PCDHGA4: variants seen among roughly 807,000 people sequenced by gnomAD.
The protein encoded by PCDHGA4 is protocadherin gamma subfamily A, 4.
In PCDHGA4, 38 loss-of-function variants were observed where a neutral mutation model predicts 54.6. The ratio of observed to expected loss-of-function variants is 0.70; its 90% confidence interval spans 0.54 to 0.91. PCDHGA4 has a LOEUF of 0.91. Among genes scored for constraint, PCDHGA4 ranks in the 40% least tolerant of loss-of-function variants. The pLI is 0.00. For synonymous variants in PCDHGA4, 511 were observed against 512.9 expected, an observed-to-expected ratio of 1.00 and a Z score of 0.05; for missense variants, 1,298 against 1,220.9, an observed-to-expected ratio of 1.06 and a Z score of -0.94.
At chr5:141,414,677 AG>A in intron 1 of PCDHGA4, 1 of 1,613,794 alleles carries the variant, frequency 6.2e-7, no homozygotes, top group Non-Finnish European at 8.5e-7. Context: ...GACACCATCC[AG>A]GGGGTACCTC....
At chr5:141,467,185 TG>T (rs1295935271) in intron 1 of PCDHGA4, among the ~76,000 whole-genome samples, 1 of 152,004 alleles carries the variant, frequency 6.6e-6, no homozygotes, top group African/African-American at 2.4e-5. Context: ...CCCAAGTAGC[TG>T]GGATTACAGG....
At chr5:141,422,465 G>A in intron 1 of PCDHGA4, 1 of 1,613,508 alleles carries the variant, frequency 6.2e-7, no homozygotes, top group Non-Finnish European at 8.5e-7. Flanking sequence ...GTGCTGGACA[G>A]GGAGTTGGTC....
chr5:141,416,378 A>C (rs2096019434), intron 1 of PCDHGA4: 1 of 152,230 alleles, frequency 6.6e-6, no homozygotes, highest in South Asian at 2.1e-4. Flanking sequence ...GAAATTAAGA[A>C]TATTTGGGAT....
intron 1 of PCDHGA4, chr5:141,415,740 G>GTTTTTTTTTTTTTTTTTTTTTTTTT: frequency 1.8e-5 from 11 of 617,990 alleles, no homozygotes; most frequent in Non-Finnish European, 2.4e-5. Context: ...GTTTATTAAG[G>GTTTTTTTTTTTTTTTTTTTTTTTTT]TTTTTTTTTT....
chr5:141,383,179 G>A (rs1387934089), intron 1 of PCDHGA4: 2 of 1,614,006 alleles, frequency 1.2e-6, no homozygotes, highest in Admixed American at 1.7e-5. Context: ...AGACCGGGAA[G>A]AGATCTGCGC....
At chr5:141,438,487 G>T (rs1030201971) in intron 1 of PCDHGA4, among the ~76,000 whole-genome samples, 9 of 150,284 alleles carry the variant, frequency 6.0e-5, no homozygotes, top group African/African-American at 2.2e-4. Flanking sequence ...GTCTCTTGGA[G>T]AAAAAAGAAT....
rs746357528 is a variant in PCDHGA4, at chr5:141,375,442, C to G, written c.2514+17821C>G. 3.1e-6 allele frequency: 5 copies of G among 1,614,034 alleles called. No homozygotes were observed. In the South Asian group the frequency reaches 3.3e-5, roughly 11 times the overall value. On this transcript the variant is annotated intron_variant, in intron 1 of 3. Coordinates refer to ENST00000571252, the MANE Select transcript of PCDHGA4 (RefSeq NM_018917.4). ...CCAACGACAACCCGCCCACCTTCCC[C>G]CATTCATCCTACTCAGTCTATGTCC... is the stretch of plus-strand genomic sequence containing the variant.
chr5:141,400,150 C>T (rs1375670164), intron 1 of PCDHGA4: 3 of 1,613,952 alleles, frequency 1.9e-6, no homozygotes, highest in Non-Finnish European at 2.5e-6. Flanking sequence ...CACTGACCGC[C>T]CTGTACCCTC....
Position 141,489,089 on chromosome 5 carries a change from A to T in PCDHGA4, c.2515-5718A>T, listed in dbSNP as rs1214993065. The T allele has an allele frequency of 7.4e-5, 21 of 284,398 alleles. No homozygotes were observed. Among genetic ancestry groups the T allele is most frequent in the East Asian group, 1.1e-4 (2 of 17,560 alleles). The allele number at this position is 284,398 out of a possible 1,614,324, so 17.6% of individuals were successfully genotyped here. On this transcript the variant is annotated intron_variant, in intron 1 of 3. Coordinates refer to ENST00000571252, the MANE Select transcript of PCDHGA4 (RefSeq NM_018917.4). This position sits in a 1 kb window ranked among gnomAD's most constrained non-coding sequence, Gnocchi z 4.5. ...CCCTGCCCACCCCCGCCACTCGGTGACTAAGAACTGCTGCAAGCAGGCAAA... is the reference window on the plus strand; with the variant it reads ...CCCTGCCCACCCCCGCCACTCGGTGTCTAAGAACTGCTGCAAGCAGGCAAA...
At chr5:141,437,654 A>C (rs185455660) in intron 1 of PCDHGA4, among the ~76,000 whole-genome samples, 1 of 152,256 alleles carries the variant, frequency 6.6e-6, no homozygotes, top group African/African-American at 2.4e-5. Context: ...GCAAACACAT[A>C]GTTTCGAAGA....
chr5:141,398,009 C>G (rs1589315775), intron 1 of PCDHGA4: 1 of 1,400,564 alleles, frequency 7.1e-7, no homozygotes, highest in Non-Finnish European at 9.5e-7. Context: ...GAAAAAGAAT[C>G]GTTTCCTAAA....
intron 1 of PCDHGA4, among the ~76,000 whole-genome samples, chr5:141,469,134 G>T (rs2099192163): frequency 6.6e-6 from 1 of 151,944 alleles, no homozygotes; most frequent in Non-Finnish European, 1.5e-5. Context: ...AAATTAGCCA[G>T]AAATGGTGGC....
At chr5:141,507,932 G>C (rs2099865030) in intron 3 of PCDHGA4, 1 of 152,338 alleles carries the variant, frequency 6.6e-6, no homozygotes, top group Admixed American at 6.5e-5. Context: ...TGCTGAGAGG[G>C]GTTAAGTAAG....
chr5:141,417,556 A>G, intron 1 of PCDHGA4: 1 of 333,096 alleles, frequency 3.0e-6, no homozygotes, highest in Non-Finnish European at 5.4e-6. Flanking sequence ...TGAAAGAGGT[A>G]GAGAAAAGTC....
In PCDHGA4 at chr5:141,371,090, C is replaced by G. The variant is rs764906419; in HGVS notation, c.2514+13469C>G. The G allele has an allele frequency of 5.0e-6, 8 of 1,613,702 alleles. No homozygotes were observed. The East Asian group carries it at 1.8e-4, about 36-fold the overall frequency. On this transcript the variant is annotated intron_variant, in intron 1 of 3. Transcript: ENST00000571252. ...GTACCACCCAGATCAGGGTAATTGT[C>G]GCAGATGCAAATGATAACCCCCCAG...
intron 1 of PCDHGA4, chr5:141,403,871 C>T: frequency 1.2e-6 from 2 of 1,613,602 alleles, no homozygotes; most frequent in Admixed American, 1.7e-5. Flanking sequence ...AGCAAAAAGT[C>T]TAGATTATGA....
Position 141,360,946 on chromosome 5 carries a change from G to A in PCDHGA4, c.2514+3325G>A, listed in dbSNP as rs371775713. ...TCAAGTGACAGCCACCGACCGGGAT[G>A]AAGGCATAAACGCAGAGATCACCTA... On this transcript the variant is annotated intron_variant, in intron 1 of 3. Coordinates refer to ENST00000571252, the MANE Select transcript of PCDHGA4 (RefSeq NM_018917.4). The A allele has an allele frequency of 1.4e-5, 22 of 1,613,850 alleles. No individual in the cohort carries two copies. In the African/African-American group the frequency reaches 2.4e-4, roughly 18 times the overall value.
At chr5:141,419,630 G>T in intron 1 of PCDHGA4, 2 of 1,612,430 alleles carry the variant, frequency 1.2e-6, no homozygotes, top group African/African-American at 1.3e-5. Flanking sequence ...GGTGACCAAG[G>T]TGGTGGCCGT....
rs532216579 is a variant in PCDHGA4, at chr5:141,419,369, T to G, written c.2514+61748T>G. 631 of 1,613,750 alleles carry G rather than the reference T, an allele frequency of 3.9e-4. 5 individuals carry two copies. In the East Asian group the frequency reaches 0.013, roughly 33 times the overall value. On this transcript the variant is annotated intron_variant, in intron 1 of 3. Coordinates refer to ENST00000571252, the MANE Select transcript of PCDHGA4 (RefSeq NM_018917.4). ...CCTGGAGTCACGAACGCTGTCGTCC[T>G]ACGTGTCCGTGAGCGCGCAGAGCGG...
Sources: gnomAD v4.1 joint callset for allele counts (sites outside exome capture counted in the v4.1 genomes callset) on GRCh38, gnomAD v4.1.1 for gene constraint, Gnocchi (gnomAD v3.1) non-coding constraint, MANE v1.5 for transcripts, NCBI Gene and HGNC (gene_info 2026-07-23, HGNC 2026-07-21) for gene names.